The following MCM2 variants were observed in gnomAD, a reference collection of about 807,000 sequenced individuals.
The protein encoded by MCM2 is DNA replication licensing factor MCM2.
MCM2 carries 49 observed loss-of-function variants against 86.4 expected under a neutral mutation model. The ratio of observed to expected loss-of-function variants is 0.57; its 90% CI spans 0.45 to 0.72. The LOEUF is 0.72. Ranked by LOEUF, MCM2 falls within the 30% of genes least tolerant of loss-of-function variation. The pLI is 0.00. For missense variants in MCM2, 1,038 were observed against 1,259.9 expected, an observed-to-expected ratio of 0.82 and a Z score of 2.67; for synonymous variants, 475 against 484.6, an observed-to-expected ratio of 0.98 and a Z score of 0.26.
chr3:127,619,932 T>C (rs2074463938), intron 13 of MCM2, among the ~76,000 whole-genome samples: 1 of 152,130 alleles, frequency 6.6e-6, no homozygotes, highest in Non-Finnish European at 1.5e-5. Context: ...TACAGTGAGC[T>C]ATGATGGCAC....
chr3:127,619,351 G>A, intron 13 of MCM2, 73 bp downstream of exon 13: 1 of 1,542,286 alleles, frequency 6.5e-7, no homozygotes, highest in Non-Finnish European at 8.8e-7. Context: ...GACCAATGCA[G>A]CGGGGGTGGT....
intron 1 of MCM2, chr3:127,598,794 T>C: frequency 6.3e-6 from 1 of 158,818 alleles, no homozygotes; most frequent in South Asian, 1.8e-4. Context: ...TCCTTTAAAC[T>C]TTTTTTTTTT....
rs766347474 is a variant in MCM2, at chr3:127,618,994, C to A, written c.2014-33C>A. 1.3e-6 allele frequency: 2 copies of A among 1,546,560 alleles called. No individual in the cohort carries two copies. The highest frequency in any genetic ancestry group is 1.8e-6 in the Non-Finnish European group (2 of 1,142,380). On this transcript the variant is annotated intron_variant, in intron 12 of 15. Coordinates refer to ENST00000265056, the MANE Select transcript of MCM2 (RefSeq NM_004526.4). This position sits in a 1 kb window ranked among gnomAD's most constrained non-coding sequence, Gnocchi z 4.0. Reference sequence around the variant, plus strand: ...ACCTCCCCAAAGCCACGCACACCCACAATCAGACCCACCCTCTCATGGCTT... The same window carrying A: ...ACCTCCCCAAAGCCACGCACACCCAAAATCAGACCCACCCTCTCATGGCTT...
In MCM2 at chr3:127,615,928, C is replaced by G. The variant is rs2074429666; in HGVS notation, c.1495C>G (p.Leu499Val). Residue 499 changes from leucine (L) to valine (V), a missense_variant, in exon 9 of 16, where the codon CTG becomes GTG. Physicochemically the swap from Leu to Val is conservative, Grantham distance 32 (BLOSUM62 1). This residue lies in a region of MCM2 where 399 missense variants were observed against 507.2 expected (regional missense o/e 0.79). Transcript: ENST00000265056. Reference protein sequence around the residue: ...EDIKRGLALALFGGEPKNPGG... With the variant: ...EDIKRGLALAVFGGEPKNPGG... ...CATCAAGAGAGGCCTGGCTCTGGCC[C>G]TGTTCGGAGGGGAGCCCAAAAACCC... 1.2e-6 allele frequency: 2 copies of G among 1,614,076 alleles called. No homozygotes were observed. The highest frequency in any genetic ancestry group is 1.3e-5 in the African/African-American group (1 of 74,932).
chr3:127,599,178 A>C (rs1215495132), intron 1 of MCM2, 140 bp from the exon 2 acceptor site: 13 of 723,260 alleles, frequency 1.8e-5, no homozygotes, highest in Non-Finnish European at 2.9e-5. Context: ...AAAGATCTGG[A>C]GGCTGGAAGG....
At chr3:127,599,607 C>T in intron 2 of MCM2, 60 bp downstream of exon 2, 1 of 1,468,416 alleles carries the variant, frequency 6.8e-7, no homozygotes, top group Non-Finnish European at 9.2e-7. Flanking sequence ...CATTGTGTGC[C>T]TGGTGGCCTG....
chr3:127,618,133 G>A lies in MCM2; in HGVS notation c.2013+52G>A, dbSNP rs755865662. On this transcript the variant is annotated intron_variant, in intron 12 of 15. Coordinates refer to ENST00000265056, the MANE Select transcript of MCM2 (RefSeq NM_004526.4). This position sits in a 1 kb window ranked among gnomAD's most constrained non-coding sequence, Gnocchi z 4.0. ...ATGAACTGTGGTTTGGGGACCTCAG[G>A]TGAGGCTTGGGGTCATACAGTGTGC... 1.2e-5 allele frequency: 18 copies of A among 1,467,496 alleles called. No individual in the cohort carries two copies. The highest frequency in any genetic ancestry group is 1.3e-5 in the Non-Finnish European group (14 of 1,053,176). 90.9% of individuals were successfully genotyped at this position (1,467,496 alleles called of 1,614,324 possible). A position where few individuals can be genotyped will look rare whatever the true frequency, so the allele number is the denominator to read the frequency against.
intron 8 of MCM2, among the ~76,000 whole-genome samples, chr3:127,615,114 G>A (rs1415754753): frequency 1.3e-5 from 2 of 152,182 alleles, no homozygotes; most frequent in African/African-American, 2.4e-5. Context: ...CTCCCCAGGC[G>A]AGGGCCAGTG....
intron 1 of MCM2, 49 bp from the exon 2 acceptor site, chr3:127,599,269 A>T (rs1030215557): frequency 1.3e-6 from 2 of 1,509,226 alleles, no homozygotes; most frequent in African/African-American, 2.7e-5. Context: ...AAGCTGTATC[A>T]TGCCTCACCA....
rs941654383 is a variant in MCM2, at chr3:127,621,610, A to G, written c.2605-53A>G. Reference sequence around the variant, plus strand: ...GTGCACTGTAACTGGGGCGCTCTGGAAACAGCCTGTTCTCACACCACTGAT... The same window carrying G: ...GTGCACTGTAACTGGGGCGCTCTGGGAACAGCCTGTTCTCACACCACTGAT... On this transcript the variant is annotated intron_variant, in intron 15 of 15. Coordinates refer to ENST00000265056, the MANE Select transcript of MCM2 (RefSeq NM_004526.4). The G allele has an allele frequency of 3.3e-6, 4 of 1,220,206 alleles. No individual in the cohort carries two copies. In the African/African-American group the frequency reaches 4.5e-5, roughly 14 times the overall value. The allele number at this position is 1,220,206 out of a possible 1,614,324, so 75.6% of individuals were successfully genotyped here. A position where few individuals can be genotyped will look rare whatever the true frequency, so the allele number is the denominator to read the frequency against.
chr3:127,621,292 TG>T, intron 15 of MCM2, 64 bp downstream of exon 15: 5 of 1,591,428 alleles, frequency 3.1e-6, no homozygotes, highest in Non-Finnish European at 3.4e-6. Flanking sequence ...AGTCTCCTGA[TG>T]GGGGCTCCAT....
chr3:127,607,566 C>T (rs1486883600), intron 6 of MCM2, among the ~76,000 whole-genome samples: 1 of 152,242 alleles, frequency 6.6e-6, no homozygotes, highest in Non-Finnish European at 1.5e-5. Flanking sequence ...AGCTGCAGGC[C>T]AGATGCCAGC....
At chr3:127,605,733 C>T (rs2074342371) in intron 4 of MCM2, among the ~76,000 whole-genome samples, 1 of 152,240 alleles carries the variant, frequency 6.6e-6, no homozygotes, top group African/African-American at 2.4e-5. Context: ...AGCCACCGTC[C>T]CCAGCCAGGA....
chr3:127,599,358 A>C lies in MCM2; in HGVS notation c.47A>C (p.Gln16Pro). The C allele has an allele frequency of 6.2e-7, 1 of 1,614,152 alleles. No homozygotes were observed. Among genetic ancestry groups the C allele is most frequent in the Non-Finnish European group, 8.5e-7 (1 of 1,180,024 alleles). The change falls in exon 2 of 16, where the codon CAG becomes CCG. Residue 16 changes from glutamine to proline, a missense_variant. Physicochemically the swap from Gln to Pro is moderately conservative, Grantham distance 76. Around this residue, in one of 4 missense-constraint regions of MCM2, gnomAD observed 300 missense variants for 307.4 expected, o/e 0.98. Coordinates refer to ENST00000265056, the MANE Select transcript of MCM2 (RefSeq NM_004526.4). ...TTCACCATGGCATCCAGCCCGGCCC[A>C]GCGTCGGCGAGGCAATGATCCTCTC... ...ESFTMASSPA[Q>P]RRRGNDPLTS...
chr3:127,604,781 A>T lies in MCM2; in HGVS notation c.410A>T (p.Tyr137Phe). The T allele has an allele frequency of 6.3e-7, 1 of 1,587,162 alleles. No individual in the cohort carries two copies. Residue 137 changes from tyrosine to phenylalanine, a missense_variant and splice_region_variant, in exon 3 of 16, where the codon TAT (tyrosine) becomes TTT (phenylalanine). Transcript: ENST00000265056. ...GLGRMRRGLL[Y>F]DSDEEDEERP... ...GGCCGCATGCGCCGTGGGCTCCTGT[A>T]TGGTAGGTCCAGTTGTCTGCCTGCC...
intron 8 of MCM2, among the ~76,000 whole-genome samples, chr3:127,614,437 T>C (rs2074419656): frequency 6.6e-6 from 1 of 152,246 alleles, no homozygotes; most frequent in Non-Finnish European, 1.5e-5. Context: ...AAGTTGTGAT[T>C]GGTTGATATC....
chr3:127,619,158 G>A lies in MCM2; in HGVS notation c.2145G>A (p.Leu715=). ...AMPNTYGVEP[L]PQEVLKKYII... The stretch of plus-strand genomic sequence containing the variant: ...CCAACACGTATGGCGTGGAGCCCCT[G>A]CCCCAGGAGGTCCTGAAGAAGTACA... The change falls in exon 13 of 16, where the codon CTG becomes CTA. Residue 715 remains leucine (L), a synonymous_variant. Transcript: ENST00000265056. 2 of 1,614,178 alleles carry A rather than the reference G, an allele frequency of 1.2e-6. No individual in the cohort carries two copies. The highest frequency in any genetic ancestry group is 2.2e-5 in the South Asian group (2 of 91,084).
rs1295128532 is a variant in MCM2, at chr3:127,621,753, A to G, written c.2695A>G (p.Met899Val). 1 of 1,613,966 alleles carries G rather than the reference A, an allele frequency of 6.2e-7. No homozygotes were observed. The highest frequency in any genetic ancestry group is 8.5e-7 in the Non-Finnish European group (1 of 1,179,876). Residue 899 changes from methionine (M) to valine (V), a missense_variant, in exon 16 of 16, where the codon ATG (methionine) becomes GTG (valine). Around this residue, in one of 4 missense-constraint regions of MCM2, gnomAD observed 336 missense variants for 425.7 expected, o/e 0.79. Coordinates refer to ENST00000265056, the MANE Select transcript of MCM2 (RefSeq NM_004526.4). ...GTTCAGCCACGACCTGAAAAGGAAAATGATCCTGCAGCAGTTCTGAGGCCC... is the reference window on the plus strand; with the variant it reads ...GTTCAGCCACGACCTGAAAAGGAAAGTGATCCTGCAGCAGTTCTGAGGCCC... ...NKFSHDLKRKMILQQF is the reference protein window; with the variant it reads ...NKFSHDLKRKVILQQF
At chr3:127,614,517 TG>T (rs1363947884) in intron 8 of MCM2, among the ~76,000 whole-genome samples, 3 of 152,230 alleles carry the variant, frequency 2.0e-5, no homozygotes, top group Non-Finnish European at 4.4e-5. Context: ...TGGAAGAAAC[TG>T]GGTCATTTGT....
Sources: allele counts gnomAD v4.1 joint callset (sites outside exome capture counted in the v4.1 genomes callset), GRCh38; gene constraint gnomAD v4.1.1; regional missense constraint gnomAD v4.1.1; non-coding constraint Gnocchi (gnomAD v3.1); transcripts MANE v1.5; gene names NCBI Gene and HGNC (gene_info 2026-07-23, HGNC 2026-07-21).